NAV3: variants seen among roughly 807,000 people sequenced by gnomAD.
The protein encoded by NAV3 is neuron navigator 3.
NAV3 carries 87 observed loss-of-function variants against 244.7 expected under a neutral mutation model. The observed-to-expected ratio is 0.36, with a 90% confidence interval of 0.30 to 0.42. NAV3 has a LOEUF of 0.42. Among genes scored for constraint, NAV3 ranks in the 20% least tolerant of loss-of-function variants. NAV3 has a pLI of 1.00. For missense variants in NAV3, 2,663 were observed against 2,893.3 expected (o/e 0.92, Z 1.83); for synonymous variants, 1,126 against 1,042.2 (o/e 1.08, Z -1.55).
upstream of NAV3, among the ~76,000 whole-genome samples, chr12:77,827,623 A>G (rs1873149938): frequency 6.6e-6 from 1 of 152,142 alleles, no homozygotes; most frequent in African/African-American, 2.4e-5. Context: ...ATTAATCCTT[A>G]TGATCATGAC....
At chr12:78,134,109 T>A (rs529346914) in intron 18 of NAV3, among the ~76,000 whole-genome samples, 26 of 152,360 alleles carry the variant, frequency 1.7e-4, no homozygotes, top group African/African-American at 5.8e-4. Context: ...GATGGATCCT[T>A]TTGCATATGG....
At chr12:78,187,586 A>G (rs1958781831) in intron 31 of NAV3, among the ~76,000 whole-genome samples, 2 of 152,016 alleles carry the variant, frequency 1.3e-5, no homozygotes, top group Admixed American at 6.6e-5. Flanking sequence ...TGGAACCATT[A>G]TGTTTATTAT....
intron 2 of NAV3, among the ~76,000 whole-genome samples, chr12:77,706,961 A>G (rs1043528902): frequency 1.3e-5 from 2 of 150,158 alleles, no homozygotes; most frequent in African/African-American, 2.4e-5. Flanking sequence ...AAGTCCGTGC[A>G]TATTTCACCT....
At chr12:78,087,332 A>C (rs1389037016) in intron 12 of NAV3, among the ~76,000 whole-genome samples, 1 of 152,066 alleles carries the variant, frequency 6.6e-6, no homozygotes, top group Non-Finnish European at 1.5e-5. Context: ...GAAAATCAAC[A>C]GCCTAAAGGA....
Position 78,118,298 on chromosome 12 carries a change from G to A in NAV3, c.3040+1G>A, listed in dbSNP as rs1228462864. 6.3e-7 allele frequency: 1 copy of A among 1,588,836 alleles called. No individual in the cohort carries two copies. Among genetic ancestry groups the A allele is most frequent in the Non-Finnish European group, 8.6e-7 (1 of 1,164,438 alleles). ...GGAACAAGTGCACTCAAAACACCCG[G>A]TAGGCTTGTCGTTTGCCAGCTGTTA... is the stretch of plus-strand genomic sequence containing the variant. On this transcript the variant is annotated splice_donor_variant, in intron 14 of 39. Coordinates refer to ENST00000397909, the MANE Select transcript of NAV3 (RefSeq NM_001024383.2). LOFTEE classifies it high-confidence loss of function.
intron 2 of NAV3, among the ~76,000 whole-genome samples, chr12:77,672,635 G>C (rs1874032927): frequency 6.6e-6 from 1 of 151,840 alleles, no homozygotes; most frequent in Admixed American, 6.6e-5. Flanking sequence ...AAGCTATGAG[G>C]ACACACAAGC....
Position 78,188,340 on chromosome 12 carries a change from T to A in NAV3, c.5883T>A (p.Phe1961Leu). Residue 1961 changes from phenylalanine to leucine, a missense_variant, in exon 32 of 40, where the codon TTT (phenylalanine) becomes TTA (leucine). Phe to Leu is a conservative substitution (Grantham distance 22). Transcript: ENST00000397909. ...TAGATGGTGTAATAAGACGTCTCTT[T>A]AAGGTATGTTGTGCAAGACACCCTA... Reference protein sequence around the residue: ...DVLDGVIRRLFKEYVFRIDTS... With the variant: ...DVLDGVIRRLLKEYVFRIDTS... The A allele has an allele frequency of 5.0e-6, 8 of 1,609,036 alleles. No individual in the cohort carries two copies. The highest frequency in any genetic ancestry group is 6.8e-6 in the Non-Finnish European group (8 of 1,176,420).
In NAV3 at chr12:77,639,694, AG is replaced by A. The variant is rs766614506; in HGVS notation, c.72+67429del. Among the ~76,000 whole-genome samples the A allele has an allele frequency of 2.6e-5, 4 of 152,172 alleles. No homozygotes were observed. The South Asian group carries it at 6.2e-4, about 24-fold the overall frequency. On this transcript the variant is annotated intron_variant, in intron 2 of 8. Coordinates refer to the NAV3 transcript ENST00000550042. ...CCACAGGCAAAGGGAAGCTGGTGTA[AG>A]AACATACAGTCTACTGAGAGGTGGT...
intron 1 of NAV3, among the ~76,000 whole-genome samples, chr12:77,894,976 C>T (rs1421865004): frequency 1.3e-5 from 2 of 152,140 alleles, no homozygotes; most frequent in Non-Finnish European, 2.9e-5. Context: ...GCAGATATTC[C>T]TCCGGTATCC....
intron 2 of NAV3, among the ~76,000 whole-genome samples, chr12:77,670,106 G>A (rs915566633): frequency 3.3e-5 from 5 of 151,950 alleles, no homozygotes; most frequent in Admixed American, 2.6e-4. Context: ...GAAACAAAAC[G>A]GGAGATATTA....
intron 20 of NAV3, among the ~76,000 whole-genome samples, chr12:78,141,273 A>AC (rs5799374): frequency 6.6e-6 from 1 of 151,966 alleles, no homozygotes; most frequent in East Asian, 1.9e-4. Context: ...ATTTTTGACA[A>AC]GGAGAGTTTT....
At chr12:77,896,872 C>A (rs1172472733) in intron 1 of NAV3, among the ~76,000 whole-genome samples, 1 of 152,074 alleles carries the variant, frequency 6.6e-6, no homozygotes, top group Non-Finnish European at 1.5e-5. Context: ...CTGTCTGGGC[C>A]AAACAGAGCA....
chr12:77,850,940 C>T (rs1371392728), intron 1 of NAV3, among the ~76,000 whole-genome samples: 1 of 152,192 alleles, frequency 6.6e-6, no homozygotes, highest in African/African-American at 2.4e-5. Context: ...TGTCCTGATG[C>T]CAGCTCTCTT....
intron 1 of NAV3, among the ~76,000 whole-genome samples, chr12:77,888,865 C>A (rs1883609837): frequency 6.6e-6 from 1 of 152,054 alleles, no homozygotes; most frequent in African/African-American, 2.4e-5. Flanking sequence ...TGTTCTTCTG[C>A]TCAATAACAT....
intron 23 of NAV3, among the ~76,000 whole-genome samples, chr12:78,167,805 A>G (rs943388007): frequency 3.3e-5 from 5 of 151,610 alleles, no homozygotes; most frequent in Non-Finnish European, 7.4e-5. Context: ...CACCAAGAAG[A>G]TACCCCTTGT....
chr12:78,110,020 G>T (rs546257065), intron 12 of NAV3, among the ~76,000 whole-genome samples: 1 of 151,954 alleles, frequency 6.6e-6, no homozygotes, highest in Non-Finnish European at 1.5e-5. Context: ...CTTTGCTGAT[G>T]ATATGGTTTT....
intron 2 of NAV3, among the ~76,000 whole-genome samples, chr12:77,573,053 T>C (rs900842561): frequency 6.6e-6 from 1 of 152,186 alleles, no homozygotes; most frequent in African/African-American, 2.4e-5. Context: ...AGTGCTCTTA[T>C]GGACTCTGCT....
chr12:78,033,578 A>G (rs1879349072), intron 9 of NAV3, among the ~76,000 whole-genome samples: 1 of 152,092 alleles, frequency 6.6e-6, no homozygotes, highest in South Asian at 2.1e-4. Flanking sequence ...CTCTCCAGAG[A>G]AGGAATAAGT....
At chr12:77,778,394 C>T (rs1234793339) in intron 2 of NAV3, among the ~76,000 whole-genome samples, 2 of 151,378 alleles carry the variant, frequency 1.3e-5, no homozygotes, top group Non-Finnish European at 2.9e-5. Context: ...AGGTGGATCA[C>T]GAGGTCAGGA....
Sources: gnomAD v4.1 joint callset for allele counts (sites outside exome capture counted in the v4.1 genomes callset) on GRCh38, gnomAD v4.1.1 for gene constraint, MANE v1.5 for transcripts, NCBI Gene and HGNC (gene_info 2026-07-23, HGNC 2026-07-21) for gene names.